The following TCF7L2 variants were observed in gnomAD, a reference collection of about 807,000 sequenced individuals.
TCF7L2 encodes the protein transcription factor 7 like 2.
In TCF7L2, 23 loss-of-function variants were observed where a neutral mutation model predicts 77.9. That is an observed-to-expected ratio of 0.30 (90% CI 0.21 to 0.42). The LOEUF (loss-of-function observed/expected upper bound fraction) is 0.42, where lower values mean the gene tolerates loss of function less well. TCF7L2 is among the 10% of genes least tolerant of loss of function. The probability of loss-of-function intolerance (pLI) is 1.00; values close to 1 mark genes in which losing one functional copy is unlikely to be tolerated. For missense variants in TCF7L2, 654 were observed against 793.1 expected, an observed-to-expected ratio of 0.82 and a Z score of 2.11; for synonymous variants, 413 against 340.2, an observed-to-expected ratio of 1.21 and a Z score of -2.36.
At chr10:113,136,377 G>A (rs917683440) in intron 5 of TCF7L2, among the ~76,000 whole-genome samples, 2 of 152,114 alleles carry the variant, frequency 1.3e-5, no homozygotes, top group Admixed American at 6.5e-5. Context: ...GTGTGACTTC[G>A]GCAGCTGTGG....
intron 5 of TCF7L2, among the ~76,000 whole-genome samples, chr10:113,043,707 G>A (rs181327727): frequency 6.6e-6 from 1 of 151,518 alleles, no homozygotes; most frequent in Non-Finnish European, 1.5e-5. Flanking sequence ...TCCTATTTTC[G>A]CATTCATATA....
intron 5 of TCF7L2, among the ~76,000 whole-genome samples, chr10:113,123,019 T>G (rs2136317507): frequency 6.6e-6 from 1 of 152,346 alleles, no homozygotes; most frequent in East Asian, 1.9e-4. Context: ...GAAGGGCAGC[T>G]TAGGGAGAAC....
intron 4 of TCF7L2, among the ~76,000 whole-genome samples, chr10:112,985,860 T>TGTGTGTGTG: frequency 6.8e-6 from 1 of 146,706 alleles, no homozygotes; most frequent in Non-Finnish European, 1.5e-5. Context: ...AGCCTGTAGT[T>TGTGTGTGTG]TGTGTGTGTG....
At chr10:113,074,271 T>C (rs2058454601) in intron 5 of TCF7L2, among the ~76,000 whole-genome samples, 1 of 152,182 alleles carries the variant, frequency 6.6e-6, no homozygotes, top group Non-Finnish European at 1.5e-5. Flanking sequence ...GATAAAAATA[T>C]CATTGTTTTG....
intron 12 of TCF7L2, 110 bp downstream of exon 14, chr10:113,160,102 C>G: frequency 1.0e-6 from 1 of 973,528 alleles, no homozygotes; most frequent in Admixed American, 2.1e-5. Flanking sequence ...TCTCAGGAGA[C>G]ACAGGGGAGT....
intron 5 of TCF7L2, among the ~76,000 whole-genome samples, chr10:113,070,334 C>G (rs962926303): frequency 6.8e-6 from 1 of 147,684 alleles, no homozygotes; most frequent in Non-Finnish European, 1.5e-5. Flanking sequence ...GTATAAGGTT[C>G]TTAGCCCTTT....
In TCF7L2 at chr10:113,012,713, C is replaced by A. The variant is rs572272112; in HGVS notation, c.451-27312C>A. ...CATTTACATACAAGCACCTGCCTGG[C>A]TAAACCATTCATTTCTGTAGCTTCC... On this transcript the variant is annotated intron_variant, in intron 4 of 13. Coordinates refer to ENST00000627217, the MANE Select transcript of TCF7L2 (RefSeq NM_001146274.2). 4.8e-4 allele frequency among the ~76,000 whole-genome samples: 73 copies of A among 152,294 alleles called. 2 individuals carry two copies. The South Asian group carries it at 0.014, about 29-fold the overall frequency.
intron 5 of TCF7L2, among the ~76,000 whole-genome samples, chr10:113,093,987 G>C (rs1052168801): frequency 1.1e-4 from 16 of 152,204 alleles, no homozygotes; most frequent in African/African-American, 3.9e-4. Flanking sequence ...TCAGTGGCCG[G>C]GGATTAGCGA....
At chr10:113,084,453 C>T in intron 5 of TCF7L2, among the ~76,000 whole-genome samples, 1 of 152,228 alleles carries the variant, frequency 6.6e-6, no homozygotes, top group East Asian at 1.9e-4. Flanking sequence ...CTGTTCAGGC[C>T]TTCAGCTGAT....
intron 5 of TCF7L2, among the ~76,000 whole-genome samples, chr10:113,097,423 C>T (rs1051352243): frequency 5.9e-5 from 9 of 152,022 alleles, no homozygotes; most frequent in African/African-American, 1.9e-4. Flanking sequence ...GAAGCCAAGG[C>T]GGGTGAATCA....
At chr10:112,962,674 C>T (rs1316035284) in intron 3 of TCF7L2, among the ~76,000 whole-genome samples, 2 of 152,186 alleles carry the variant, frequency 1.3e-5, no homozygotes, top group African/African-American at 2.4e-5. Flanking sequence ...TCTTGGCTCA[C>T]TGCAACTTCT....
At chr10:113,126,590 T>C in intron 5 of TCF7L2, 18 of 984,974 alleles carry the variant, frequency 1.8e-5, no homozygotes, top group Non-Finnish European at 2.2e-5. Context: ...CCCTCCCTTT[T>C]GTGGGGGGGT....
intron 4 of TCF7L2, among the ~76,000 whole-genome samples, chr10:112,987,028 C>T (rs994296978): frequency 6.6e-6 from 1 of 152,286 alleles, no homozygotes; most frequent in African/African-American, 2.4e-5. Flanking sequence ...CTGAAGCATT[C>T]GCTGCTATGG....
intron 13 of TCF7L2, among the ~76,000 whole-genome samples, chr10:113,164,786 T>C (rs77832582): frequency 9.0e-4 from 137 of 152,224 alleles, no homozygotes; most frequent in East Asian, 4.6e-3. Context: ...TTTTTTGTTT[T>C]TGTTTTAAGT....
At chr10:113,108,131 A>G (rs2062642376) in intron 5 of TCF7L2, among the ~76,000 whole-genome samples, 1 of 152,134 alleles carries the variant, frequency 6.6e-6, no homozygotes, top group Admixed American at 6.5e-5. Flanking sequence ...GGGACAAAAG[A>G]ATCCCGTTTT....
chr10:112,961,206 G>GGTTTCACCA, intron 3 of TCF7L2, among the ~76,000 whole-genome samples: 1 of 137,048 alleles, frequency 7.3e-6, no homozygotes, highest in Non-Finnish European at 1.5e-5. Flanking sequence ...GTAGAGACGG[G>GGTTTCACCA]GTTTCACCAT....
chr10:113,132,354 C>T (rs1265544908), intron 5 of TCF7L2, among the ~76,000 whole-genome samples: 2 of 152,168 alleles, frequency 1.3e-5, no homozygotes, highest in Admixed American at 1.3e-4. Flanking sequence ...AAACAAAAGA[C>T]CTTTTTATGC....
At chr10:113,099,188 G>A (rs1215386424) in intron 5 of TCF7L2, among the ~76,000 whole-genome samples, 4 of 149,972 alleles carry the variant, frequency 2.7e-5, no homozygotes, top group Non-Finnish European at 6.0e-5. Context: ...AGTGGCCAAA[G>A]AAAAAAATAG....
intron 5 of TCF7L2, among the ~76,000 whole-genome samples, chr10:113,117,885 G>A (rs1156584591): frequency 6.6e-6 from 1 of 152,180 alleles, no homozygotes; most frequent in African/African-American, 2.4e-5. Flanking sequence ...GTTGTCTGGG[G>A]CAGGCACCGA....
Sources: allele counts gnomAD v4.1 joint callset (sites outside exome capture counted in the v4.1 genomes callset), GRCh38; gene constraint gnomAD v4.1.1; transcripts MANE v1.5; gene names NCBI Gene and HGNC (gene_info 2026-07-23, HGNC 2026-07-21).